CELF2: variants seen among roughly 807,000 people sequenced by gnomAD.
CELF2 encodes the protein CUGBP Elav-like family member 2.
CELF2 carries 8 observed loss-of-function variants against 62.6 expected under a neutral mutation model. The ratio of observed to expected loss-of-function variants is 0.13; its 90% CI spans 0.07 to 0.23. The LOEUF is 0.23. Among genes scored for constraint, CELF2 ranks in the 10% least tolerant of loss-of-function variants. The pLI, the probability that CELF2 is intolerant of heterozygous loss-of-function variation, is 1.00. For synonymous variants in CELF2, 258 were observed against 250.0 expected (o/e 1.03, Z -0.30); for missense variants, 333 against 671.0 (o/e 0.50, Z 5.56).
intron 7 of CELF2, among the ~76,000 whole-genome samples, chr10:11,272,499 CTG>C (rs773684081): frequency 9.2e-5 from 14 of 152,238 alleles, no homozygotes; most frequent in South Asian, 2.1e-4. Context: ...TTTCTGAAAA[CTG>C]AGACACGTGT....
chr10:11,195,981 A>G (rs1292555201), intron 2 of CELF2, among the ~76,000 whole-genome samples: 1 of 151,728 alleles, frequency 6.6e-6, no homozygotes, highest in Non-Finnish European at 1.5e-5. Context: ...CAAAGTATTC[A>G]TTTAAACCTC....
At chr10:10,982,361 C>T (rs541518188) in intron 2 of CELF2, among the ~76,000 whole-genome samples, 6 of 152,272 alleles carry the variant, frequency 3.9e-5, no homozygotes, top group Middle Eastern at 6.8e-3. Flanking sequence ...TTACCCCAAA[C>T]CCCCACAGAG....
rs77126090 is a variant in CELF2, at chr10:10,920,243, A to G, written c.89+244A>G. ...ATTATTCACATTCCTTTGAAGTCAT[A>G]TGGTATATTTGGAGATGTATATATG... On this transcript the variant is annotated intron_variant, in intron 2 of 13. Coordinates refer to the CELF2 transcript ENST00000636488. 3.2e-4 allele frequency among the ~76,000 whole-genome samples: 48 copies of G among 152,354 alleles called. No homozygotes were observed. In the East Asian group the frequency reaches 7.7e-3, roughly 24 times the overall value.
At chr10:10,828,353 C>T (rs2057579319) in intron 1 of CELF2, among the ~76,000 whole-genome samples, 1 of 152,128 alleles carries the variant, frequency 6.6e-6, no homozygotes, top group South Asian at 2.1e-4. Flanking sequence ...GAATTCTGAC[C>T]CATGCTACAA....
At chr10:11,104,532 A>T (rs1451655995) in intron 1 of CELF2, among the ~76,000 whole-genome samples, 2 of 152,066 alleles carry the variant, frequency 1.3e-5, no homozygotes. Context: ...AAAATACAAA[A>T]ATTAGCCAGG....
upstream of CELF2, among the ~76,000 whole-genome samples, chr10:10,798,158 C>A (rs756047342): frequency 1.3e-5 from 2 of 152,108 alleles, no homozygotes; most frequent in East Asian, 3.9e-4. Context: ...TGTTTGCAGT[C>A]CTGTTCCAAA....
the CELF2 span, among the ~76,000 whole-genome samples, chr10:10,540,542 G>A: frequency 6.6e-5 from 10 of 152,102 alleles, no homozygotes; most frequent in Admixed American, 2.0e-4. Context: ...CTCCCCATAC[G>A]GTGGTTCATG....
chr10:10,688,937 G>A, the CELF2 span, among the ~76,000 whole-genome samples: 1 of 151,976 alleles, frequency 6.6e-6, no homozygotes, highest in African/African-American at 2.4e-5. Context: ...CCAGGAATTC[G>A]AGGCTTCAGT....
chr10:11,086,439 C>A (rs1036647582), intron 1 of CELF2, among the ~76,000 whole-genome samples: 6 of 151,922 alleles, frequency 3.9e-5, no homozygotes, highest in African/African-American at 1.2e-4. Context: ...GGGGATTAGA[C>A]GCCAACATTC....
chr10:10,699,748 T>C, the CELF2 span, among the ~76,000 whole-genome samples: 1 of 152,196 alleles, frequency 6.6e-6, no homozygotes, highest in Non-Finnish European at 1.5e-5. Context: ...TGCTGGAGCC[T>C]TGTTGATCAT....
the CELF2 span, among the ~76,000 whole-genome samples, chr10:10,544,581 C>T: frequency 0.018 from 2,666 of 152,264 alleles, 77 homozygotes; most frequent in African/African-American, 0.06. Flanking sequence ...TATGAGTATA[C>T]TACTACTAGT....
At chr10:10,656,448 A>G in the CELF2 span, among the ~76,000 whole-genome samples, 1 of 135,278 alleles carries the variant, frequency 7.4e-6, no homozygotes, top group African/African-American at 2.7e-5. Flanking sequence ...ATTATTCACA[A>G]TAGCAAAGAC....
At chr10:10,744,231 C>T in the CELF2 span, among the ~76,000 whole-genome samples, 20 of 152,254 alleles carry the variant, frequency 1.3e-4, no homozygotes, top group Non-Finnish European at 2.9e-5. Context: ...CAAATTTCTC[C>T]TCTCTGAGTT....
chr10:10,536,538 A>C, the CELF2 span, among the ~76,000 whole-genome samples: 1 of 152,192 alleles, frequency 6.6e-6, no homozygotes, highest in Non-Finnish European at 1.5e-5. Flanking sequence ...AAGTATGTCC[A>C]TTTTGTGGCT....
At chr10:10,741,569 C>T in the CELF2 span, among the ~76,000 whole-genome samples, 1 of 150,912 alleles carries the variant, frequency 6.6e-6, no homozygotes, top group Admixed American at 6.6e-5. Context: ...GTATCACCCT[C>T]ATTTAGAGTT....
chr10:11,067,506 A>G (rs2068495010), intron 1 of CELF2, among the ~76,000 whole-genome samples: 1 of 152,228 alleles, frequency 6.6e-6, no homozygotes, highest in African/African-American at 2.4e-5. Context: ...TGTGTGGCGT[A>G]TATTCTACTT....
intron 1 of CELF2, among the ~76,000 whole-genome samples, chr10:11,082,224 GA>G (rs992662553): frequency 2.7e-5 from 4 of 150,470 alleles, no homozygotes; most frequent in South Asian, 2.1e-4. Context: ...GAAAACATAG[GA>G]AAAAAAAATG....
At position 11,196,832 on chromosome 10, in the gene CELF2, G is replaced by A. The variant is rs192754106; in HGVS notation, c.272-20593G>A. The stretch of plus-strand genomic sequence containing the variant: ...ATTAGCCAGGCGTGGTGGCGCATGC[G>A]CTTGTAATCCCAGCCGCTCATGGGG... On this transcript the variant is annotated intron_variant, in intron 2 of 12. Coordinates refer to ENST00000633077, the MANE Select transcript of CELF2 (RefSeq NM_001326342.2). Among the ~76,000 whole-genome samples the A allele has an allele frequency of 2.1e-4, 32 of 151,312 alleles. No homozygotes were observed. In the East Asian group the frequency reaches 3.3e-3, roughly 16 times the overall value.
chr10:10,468,473 GT>G, the CELF2 span, among the ~76,000 whole-genome samples: 1 of 151,902 alleles, frequency 6.6e-6, no homozygotes, highest in Non-Finnish European at 1.5e-5. Context: ...CATCCTACTT[GT>G]TTAAAAATTC....
Sources: gnomAD v4.1 joint callset for allele counts (sites outside exome capture counted in the v4.1 genomes callset) on GRCh38, gnomAD v4.1.1 for gene constraint, MANE v1.5 for transcripts, NCBI Gene and HGNC (gene_info 2026-07-23, HGNC 2026-07-21) for gene names.